The following ADAMTS6 variants were observed in gnomAD, a reference collection of about 807,000 sequenced individuals.
ADAMTS6 encodes the protein ADAM metallopeptidase with thrombospondin type 1 motif 6, also known as A disintegrin and metalloproteinase with thrombospondin motifs 6.
ADAMTS6 carries 23 observed loss-of-function variants against 144.3 expected under a neutral mutation model. The ratio of observed to expected loss-of-function variants is 0.16; its 90% CI spans 0.11 to 0.23. ADAMTS6 has a LOEUF of 0.23. Ranked by LOEUF, ADAMTS6 falls within the 10% of genes least tolerant of loss-of-function variation. The pLI, the probability that ADAMTS6 is intolerant of heterozygous loss-of-function variation, is 1.00. For missense variants in ADAMTS6, 999 were observed against 1,379.6 expected, an observed-to-expected ratio of 0.72 and a Z score of 4.37; for synonymous variants, 444 against 457.5, an observed-to-expected ratio of 0.97 and a Z score of 0.38.
intron 12 of ADAMTS6, 75 bp downstream of exon 12, chr5:65,273,265 G>A (rs1245242397): frequency 6.5e-6 from 8 of 1,233,338 alleles, no homozygotes; most frequent in South Asian, 3.9e-5. Context: ...AAGACTTCCT[G>A]GTGGTTGAAT....
intron 14 of ADAMTS6, 98 bp downstream of exon 14, chr5:65,260,502 A>T (rs1761085969): frequency 1.1e-6 from 1 of 902,848 alleles, no homozygotes; most frequent in African/African-American, 1.7e-5. Flanking sequence ...ACCTTCACAC[A>T]CATGTATTTC....
intron 10 of ADAMTS6, among the ~76,000 whole-genome samples, chr5:65,294,833 C>T (rs188679415): frequency 6.6e-6 from 1 of 151,572 alleles, no homozygotes; most frequent in African/African-American, 2.4e-5. Flanking sequence ...TCCCTCATTT[C>T]CCCCCACCCC....
intron 7 of ADAMTS6, among the ~76,000 whole-genome samples, chr5:65,450,634 A>C (rs1481353136): frequency 6.6e-6 from 1 of 152,204 alleles, no homozygotes; most frequent in Non-Finnish European, 1.5e-5. Context: ...AAAATAATTT[A>C]AGTATAATGT....
intron 3 of ADAMTS6, among the ~76,000 whole-genome samples, chr5:65,463,143 A>G (rs1005318343): frequency 6.6e-6 from 1 of 152,148 alleles, no homozygotes; most frequent in Non-Finnish European, 1.5e-5. Context: ...ATAAACATTA[A>G]GAGGGGAGAT....
At chr5:65,316,986 A>G (rs1289917583) in intron 9 of ADAMTS6, among the ~76,000 whole-genome samples, 1 of 152,048 alleles carries the variant, frequency 6.6e-6, no homozygotes. Context: ...ATTTTTTAGA[A>G]GAGATGGGGT....
chr5:65,387,287 T>C (rs767377743), intron 7 of ADAMTS6, among the ~76,000 whole-genome samples: 1 of 152,230 alleles, frequency 6.6e-6, no homozygotes, highest in Non-Finnish European at 1.5e-5. Context: ...ATTTAAAACA[T>C]ATTCAAAATA....
intron 8 of ADAMTS6, among the ~76,000 whole-genome samples, chr5:65,331,836 CGTGT>C (rs1561432972): frequency 6.6e-6 from 1 of 151,796 alleles, no homozygotes; most frequent in Non-Finnish European, 1.5e-5. Context: ...GAAGTTAAAA[CGTGT>C]GTGTGTATAT....
chr5:65,330,451 T>C (rs929863891), intron 8 of ADAMTS6, among the ~76,000 whole-genome samples: 2 of 152,130 alleles, frequency 1.3e-5, no homozygotes, highest in Non-Finnish European at 2.9e-5. Flanking sequence ...ACATTTTTTA[T>C]GGTCAGTAGT....
chr5:65,171,332 C>T (rs1678110888), intron 23 of ADAMTS6, among the ~76,000 whole-genome samples: 1 of 152,124 alleles, frequency 6.6e-6, no homozygotes, highest in Admixed American at 6.6e-5. Context: ...TTAAAGCCCA[C>T]ATGTGGTTCA....
chr5:65,395,569 A>G (rs1304876124), intron 7 of ADAMTS6, among the ~76,000 whole-genome samples: 1 of 152,154 alleles, frequency 6.6e-6, no homozygotes, highest in Non-Finnish European at 1.5e-5. Context: ...AACACTGAAT[A>G]TTATTTATAC....
intron 12 of ADAMTS6, among the ~76,000 whole-genome samples, chr5:65,270,274 C>T (rs1422840645): frequency 3.3e-5 from 5 of 152,160 alleles, no homozygotes; most frequent in African/African-American, 7.2e-5. Flanking sequence ...ATTCTGAGGT[C>T]TGGTTTACTT....
intron 12 of ADAMTS6, among the ~76,000 whole-genome samples, chr5:65,264,627 C>A (rs971650148): frequency 3.9e-5 from 6 of 152,102 alleles, no homozygotes; most frequent in Non-Finnish European, 5.9e-5. Flanking sequence ...CAAATTACTT[C>A]TTTGTAATGT....
chr5:65,448,917 A>G (rs1758506769), intron 7 of ADAMTS6, among the ~76,000 whole-genome samples: 1 of 152,224 alleles, frequency 6.6e-6, no homozygotes, highest in African/African-American at 2.4e-5. Context: ...CATCTGTGGA[A>G]TTCTCAAAAA....
At chr5:65,459,343 G>A (rs1759474470) in intron 4 of ADAMTS6, among the ~76,000 whole-genome samples, 1 of 151,998 alleles carries the variant, frequency 6.6e-6, no homozygotes, top group Admixed American at 6.6e-5. Context: ...TGGGTTTCTA[G>A]TGCACGTAGG....
intron 3 of ADAMTS6, among the ~76,000 whole-genome samples, chr5:65,463,475 G>A (rs192094661): frequency 6.6e-6 from 1 of 152,268 alleles, no homozygotes; most frequent in Admixed American, 6.5e-5. Context: ...TTTAGTGGGA[G>A]TACCAGAAAT....
At chr5:65,204,784 G>A (rs371915372) in intron 20 of ADAMTS6, among the ~76,000 whole-genome samples, 1 of 152,010 alleles carries the variant, frequency 6.6e-6, no homozygotes, top group Non-Finnish European at 1.5e-5. Flanking sequence ...TTATATCTAC[G>A]TTTGATATAT....
intron 22 of ADAMTS6, among the ~76,000 whole-genome samples, chr5:65,178,989 C>CTGTA (rs1754160643): frequency 6.6e-6 from 1 of 152,110 alleles, no homozygotes; most frequent in Admixed American, 6.5e-5. Flanking sequence ...AGACTGTGAG[C>CTGTA]TGTACGTGGA....
intron 15 of ADAMTS6, among the ~76,000 whole-genome samples, chr5:65,240,585 G>T (rs1759090906): frequency 6.6e-6 from 1 of 152,094 alleles, no homozygotes; most frequent in African/African-American, 2.4e-5. Context: ...AATGGGAATA[G>T]TAGCCTTATA....
At chr5:65,330,738 T>C (rs1746630843) in intron 8 of ADAMTS6, among the ~76,000 whole-genome samples, 1 of 152,184 alleles carries the variant, frequency 6.6e-6, no homozygotes, top group South Asian at 2.1e-4. Context: ...ATCGTTTGCT[T>C]TTCCTACTGT....
Sources: allele counts gnomAD v4.1 joint callset (sites outside exome capture counted in the v4.1 genomes callset), GRCh38; gene constraint gnomAD v4.1.1; transcripts MANE v1.5; gene names NCBI Gene and HGNC (gene_info 2026-07-23, HGNC 2026-07-21).